Variants in LARGE1 observed in about 807,000 individuals in gnomAD.
LARGE1 encodes the protein xylosyl- and glucuronyltransferase LARGE1.
LARGE1 carries 43 observed loss-of-function variants against 87.6 expected under a neutral mutation model. The ratio of observed to expected loss-of-function variants is 0.49; its 90% CI spans 0.38 to 0.63. The LOEUF (loss-of-function observed/expected upper bound fraction) is 0.63, where lower values mean the gene tolerates loss of function less well. LARGE1 is among the 30% of genes least tolerant of loss of function. LARGE1 has a pLI of 0.00. For missense variants in LARGE1, 802 were observed against 1,000.2 expected (o/e 0.80, Z 2.67); for synonymous variants, 434 against 394.6 (o/e 1.10, Z -1.18).
intron 2 of LARGE1, among the ~76,000 whole-genome samples, chr22:33,654,577 C>T (rs928790278): frequency 6.6e-6 from 1 of 152,116 alleles, no homozygotes; most frequent in Admixed American, 6.5e-5. Flanking sequence ...TCTCTTTGCT[C>T]AGGCTTCTCC....
At chr22:33,681,920 C>T (rs1193878475) in intron 2 of LARGE1, among the ~76,000 whole-genome samples, 2 of 152,220 alleles carry the variant, frequency 1.3e-5, no homozygotes, top group African/African-American at 4.8e-5. Flanking sequence ...TACCCACTAC[C>T]TTAACTGCCC....
intron 11 of LARGE1, among the ~76,000 whole-genome samples, chr22:33,189,828 G>A (rs1048303694): frequency 5.3e-5 from 8 of 152,158 alleles, no homozygotes; most frequent in Non-Finnish European, 2.9e-5. Flanking sequence ...CCCAGATCCA[G>A]AGTTAGGAGT....
chr22:33,674,422 T>A (rs796326054), intron 2 of LARGE1, among the ~76,000 whole-genome samples: 23 of 152,322 alleles, frequency 1.5e-4, no homozygotes, highest in African/African-American at 5.3e-4. Context: ...TGCCTCCCAA[T>A]CTATTCTCTG....
intron 5 of LARGE1, among the ~76,000 whole-genome samples, chr22:33,601,465 G>A (rs905928877): frequency 2.0e-5 from 3 of 152,124 alleles, no homozygotes; most frequent in African/African-American, 7.2e-5. Flanking sequence ...ATGGCTTTGG[G>A]GTTGTTGATC....
chr22:33,187,781 G>A (rs1013962429), intron 11 of LARGE1, among the ~76,000 whole-genome samples: 11 of 150,854 alleles, frequency 7.3e-5, no homozygotes, highest in African/African-American at 1.2e-4. Context: ...AAAATTAGCC[G>A]GGCATGGTGG....
intron 11 of LARGE1, among the ~76,000 whole-genome samples, chr22:33,176,840 A>C (rs1445961908): frequency 6.6e-6 from 1 of 152,226 alleles, no homozygotes; most frequent in Non-Finnish European, 1.5e-5. Context: ...TCATTCTACT[A>C]TAAAGACACA....
chr22:33,921,205 C>T (rs2147025864), upstream of LARGE1, among the ~76,000 whole-genome samples: 1 of 152,202 alleles, frequency 6.6e-6, no homozygotes, highest in East Asian at 2.0e-4. This position sits in a 1 kb window ranked among gnomAD's most constrained non-coding sequence, Gnocchi z 4.1. Flanking sequence ...GAGACTCCGC[C>T]CCGGTGCTTC....
chr22:33,422,510 C>CTT (rs1309810438), intron 7 of LARGE1, among the ~76,000 whole-genome samples: 11 of 136,608 alleles, frequency 8.1e-5, no homozygotes, highest in East Asian at 2.1e-4. Context: ...GTGCTACACA[C>CTT]TTTTTTTTTT....
At chr22:33,354,869 A>C (rs1940743731) in intron 9 of LARGE1, among the ~76,000 whole-genome samples, 1 of 152,234 alleles carries the variant, frequency 6.6e-6, no homozygotes, top group African/African-American at 2.4e-5. Context: ...AAAGTACTAA[A>C]CCAACATTTC....
intron 1 of LARGE1, among the ~76,000 whole-genome samples, chr22:33,857,907 C>A (rs1484433117): frequency 6.6e-6 from 1 of 152,164 alleles, no homozygotes; most frequent in African/African-American, 2.4e-5. Flanking sequence ...TTCCTTGCTC[C>A]CAAGTTGGAA....
chr22:33,284,340 C>G (rs915216956), intron 12 of LARGE1, among the ~76,000 whole-genome samples: 2 of 152,146 alleles, frequency 1.3e-5, no homozygotes, highest in African/African-American at 2.4e-5. Flanking sequence ...AGACTCCAAG[C>G]CTTTAAAGCA....
chr22:33,563,071 G>A (rs935199094), intron 6 of LARGE1: 3 of 152,520 alleles, frequency 2.0e-5, no homozygotes, highest in Non-Finnish European at 2.9e-5. Flanking sequence ...CAGCCATTCC[G>A]TGATGTGGGG....
chr22:33,795,096 G>C (rs2085939376), intron 1 of LARGE1, among the ~76,000 whole-genome samples: 2 of 152,184 alleles, frequency 1.3e-5, no homozygotes, highest in Non-Finnish European at 2.9e-5. Context: ...AAGAGAACTA[G>C]TCTTTAAAGA....
intron 11 of LARGE1, among the ~76,000 whole-genome samples, chr22:33,168,270 G>A (rs1010024589): frequency 6.6e-6 from 1 of 152,174 alleles, no homozygotes; most frequent in African/African-American, 2.4e-5. Context: ...AGCGTGGATA[G>A]GATTATAGAC....
At chr22:33,785,193 A>G (rs1014311752) in intron 1 of LARGE1, among the ~76,000 whole-genome samples, 2 of 149,344 alleles carry the variant, frequency 1.3e-5, no homozygotes, top group South Asian at 2.1e-4. Context: ...ATATACATAT[A>G]TGTGTATACA....
At chr22:33,426,069 T>C (rs533946479) in intron 7 of LARGE1, among the ~76,000 whole-genome samples, 42 of 152,246 alleles carry the variant, frequency 2.8e-4, no homozygotes, top group African/African-American at 7.9e-4. Context: ...TCTAAACACA[T>C]ATTCACATCC....
At chr22:33,119,979 T>C in the LARGE1 span, among the ~76,000 whole-genome samples, 1 of 151,822 alleles carries the variant, frequency 6.6e-6, no homozygotes, top group Non-Finnish European at 1.5e-5. Flanking sequence ...AATTCCAAGA[T>C]CTCAGAGAGA....
At position 33,316,256 on chromosome 22, in the gene LARGE1, G is replaced by A. The variant is rs768000708; in HGVS notation, c.1288-8C>T. 3 of 1,613,038 alleles carry A rather than the reference G, an allele frequency of 1.9e-6. No homozygotes were observed. The highest frequency in any genetic ancestry group is 1.7e-5 in the Admixed American group (1 of 60,024). On this transcript the variant is annotated splice_polypyrimidine_tract_variant and splice_region_variant and intron_variant, in intron 10 of 14. Coordinates refer to ENST00000397394, the MANE Select transcript of LARGE1 (RefSeq NM_133642.5). ...AGACAGCTGCTTCTGGAGCTGCAGG[G>A]TAGGAGAGAGGGCTTGGGCACGTGA...
At chr22:33,305,832 C>CTT (rs1934804310) in intron 11 of LARGE1, among the ~76,000 whole-genome samples, 1 of 119,084 alleles carries the variant, frequency 8.4e-6, no homozygotes, top group African/African-American at 4.3e-5. Context: ...AGAAACATTT[C>CTT]TTTTTCTTTT....
Sources: allele counts gnomAD v4.1 joint callset (sites outside exome capture counted in the v4.1 genomes callset), GRCh38; gene constraint gnomAD v4.1.1; non-coding constraint Gnocchi (gnomAD v3.1); transcripts MANE v1.5; gene names NCBI Gene and HGNC (gene_info 2026-07-23, HGNC 2026-07-21).